PCLO: variants seen among roughly 807,000 people sequenced by gnomAD.
PCLO encodes the protein protein piccolo.
A neutral mutation model predicts 427.5 loss-of-function variants in PCLO; 82 were observed. The observed-to-expected ratio is 0.19, with a 90% CI of 0.16 to 0.23. The LOEUF (loss-of-function observed/expected upper bound fraction) is 0.23. Ranked by LOEUF, PCLO falls within the 10% of genes least tolerant of loss-of-function variation. The pLI, the probability that PCLO is intolerant of heterozygous loss-of-function variation, is 1.00. For missense variants in PCLO, 6,239 were observed against 6,115.9 expected (o/e 1.02, Z -0.67); for synonymous variants, 2,357 against 2,155.4 (o/e 1.09, Z -2.59).
chr7:82,888,360 A>T (rs1793677472), intron 9 of PCLO, among the ~76,000 whole-genome samples: 1 of 152,174 alleles, frequency 6.6e-6, no homozygotes, highest in Admixed American at 6.5e-5. Flanking sequence ...TTTTCTAATA[A>T]AATGTTCATA....
At position 82,953,724 on chromosome 7, in the gene PCLO, G is replaced by A; in HGVS notation, c.7229C>T (p.Pro2410Leu). 9.5e-7 allele frequency: 1 copy of A among 1,054,050 alleles called. No homozygotes were observed. Among genetic ancestry groups the A allele is most frequent in the Admixed American group, 2.3e-5 (1 of 43,336 alleles). The allele number at this position is 1,054,050 out of a possible 1,614,324, so 65.3% of individuals were successfully genotyped here. ...TGGAGGAGGAGGAGGAGGGGGAGGG[G>A]GAGGAGGGGGAGGAGGTTGAGCTGA... is the stretch of plus-strand genomic sequence containing the variant. Reference protein sequence around the residue: ...DISAQPPPPPPPPPPPPPPPP... With the variant: ...DISAQPPPPPLPPPPPPPPPP... Residue 2410 changes from proline (P) to leucine (L), a missense_variant, in exon 5 of 25, where the codon CCC (proline) becomes CTC (leucine). By Grantham distance (98) the Pro-to-Leu change is moderately conservative (BLOSUM62 -3). Coordinates refer to ENST00000333891, the MANE Select transcript of PCLO (RefSeq NM_033026.6).
Position 82,830,487 on chromosome 7 carries a change from C to T in PCLO, c.14250-2521G>A, listed in dbSNP as rs369454295. On this transcript the variant is annotated intron_variant, in intron 16 of 24. Transcript: ENST00000333891. ...ATAGTGACATAGAAAGAATTAGTGA[C>T]GACTTTTAAGTTAATAGTAAACTTG... 8.4e-4 allele frequency among the ~76,000 whole-genome samples: 127 copies of T among 151,802 alleles called. 6 individuals are homozygous for T. The South Asian group carries it at 0.024, about 28-fold the overall frequency.
chr7:82,809,717 A>G (rs1583997889), intron 20 of PCLO, among the ~76,000 whole-genome samples: 1 of 151,732 alleles, frequency 6.6e-6, no homozygotes, highest in East Asian at 1.9e-4. Flanking sequence ...CAAATCATAA[A>G]TTTCTCAACA....
intron 3 of PCLO, among the ~76,000 whole-genome samples, chr7:83,059,717 G>A (rs1789496727): frequency 6.6e-6 from 1 of 152,078 alleles, no homozygotes. Flanking sequence ...TCTGAAAGAA[G>A]TACCAAGATG....
At chr7:82,778,315 T>A (rs913453059) in intron 22 of PCLO, among the ~76,000 whole-genome samples, 4 of 152,124 alleles carry the variant, frequency 2.6e-5, no homozygotes, top group African/African-American at 9.7e-5. Context: ...ATGCTGTTAG[T>A]GGGAGTGTAA....
intron 22 of PCLO, among the ~76,000 whole-genome samples, chr7:82,789,662 A>T (rs1791059997): frequency 6.6e-6 from 1 of 152,156 alleles, no homozygotes; most frequent in Non-Finnish European, 1.5e-5. Context: ...TCGAGATCGC[A>T]CCACTGCGCT....
At chr7:83,058,236 T>C (rs1174151619) in intron 3 of PCLO, among the ~76,000 whole-genome samples, 1 of 152,238 alleles carries the variant, frequency 6.6e-6, no homozygotes, top group Non-Finnish European at 1.5e-5. Context: ...GATGCTCTAC[T>C]GAGGACTTAG....
At chr7:83,058,553 T>C (rs560282823) in intron 3 of PCLO, among the ~76,000 whole-genome samples, 62 of 152,294 alleles carry the variant, frequency 4.1e-4, no homozygotes, top group South Asian at 3.5e-3. Context: ...CAATTAAATA[T>C]ATATATACCT....
At chr7:82,792,424 C>A (rs1355193130) in intron 22 of PCLO, among the ~76,000 whole-genome samples, 1 of 151,610 alleles carries the variant, frequency 6.6e-6, no homozygotes, top group African/African-American at 2.4e-5. Flanking sequence ...CCTCCTGAGC[C>A]CAAGCGATAC....
chr7:83,154,571 T>C (rs1792218058), intron 2 of PCLO, among the ~76,000 whole-genome samples, 177 bp downstream of exon 2: 1 of 152,138 alleles, frequency 6.6e-6, no homozygotes, highest in South Asian at 2.1e-4. Flanking sequence ...GTTTGAGGCT[T>C]CTAGTCAGAG....
chr7:82,831,491 A>G (rs1263636565), intron 16 of PCLO, among the ~76,000 whole-genome samples: 1 of 152,134 alleles, frequency 6.6e-6, no homozygotes, highest in African/African-American at 2.4e-5. Flanking sequence ...CATTATAAAC[A>G]TCGTGAACAA....
At chr7:82,799,279 A>G (rs1791292648) in intron 22 of PCLO, among the ~76,000 whole-genome samples, 1 of 152,176 alleles carries the variant, frequency 6.6e-6, no homozygotes, top group Non-Finnish European at 1.5e-5. Flanking sequence ...AACATTCTCT[A>G]AGCAACTCTG....
In PCLO at chr7:83,134,339, T is replaced by C. The variant is rs376927890; in HGVS notation, c.3211A>G (p.Lys1071Glu). 7.1e-5 allele frequency: 114 copies of C among 1,611,496 alleles called. No homozygotes were observed. Among genetic ancestry groups the C allele is most frequent in the Non-Finnish European group, 9.3e-5 (110 of 1,178,772 alleles). The change falls in exon 3 of 25, where the codon AAG becomes GAG. Residue 1071 changes from lysine (K) to glutamate (E), a missense_variant. Lys to Glu is a moderately conservative substitution (Grantham distance 56). This residue lies in a region of PCLO where 4,677 missense variants were observed against 4,468.4 expected (regional missense o/e 1.05). Transcript: ENST00000333891. ...CAAGTATTGAAGTTAGGAGGATCCT[T>C]AGAACCTATGTTGAGTTCAGTTTTG... ...LCKTELNIGS[K>E]DPPNFNTCTE...
intron 2 of PCLO, among the ~76,000 whole-genome samples, chr7:83,147,710 T>C (rs544737496): frequency 5.9e-5 from 9 of 152,352 alleles, no homozygotes; most frequent in Middle Eastern, 3.4e-3. Context: ...AAGCATTTGA[T>C]GATTTAAAGT....
At chr7:82,901,116 C>A (rs1279698002) in intron 9 of PCLO, among the ~76,000 whole-genome samples, 2 of 151,778 alleles carry the variant, frequency 1.3e-5, no homozygotes, top group African/African-American at 4.8e-5. Context: ...CATTGTAATA[C>A]CATGTGCATT....
chr7:82,966,343 C>T lies in PCLO; in HGVS notation c.3445G>A (p.Ala1149Thr), dbSNP rs2115663736. 6.2e-7 allele frequency: 1 copy of T among 1,613,812 alleles called. No individual in the cohort carries two copies. Among genetic ancestry groups the T allele is most frequent in the Non-Finnish European group, 8.5e-7 (1 of 1,179,848 alleles). ...VPTESSSQKT[A>T]VPPQVKLVKK... The stretch of plus-strand genomic sequence containing the variant: ...ACTAATTTTACTTGGGGAGGCACTG[C>T]TGTTTTCTGAGATGATGATTCTGTA... Residue 1149 changes from alanine to threonine, a missense_variant, in exon 4 of 25, where the codon GCA becomes ACA. Coordinates refer to ENST00000333891, the MANE Select transcript of PCLO (RefSeq NM_033026.6).
At chr7:83,090,770 G>T (rs1468311841) in intron 3 of PCLO, among the ~76,000 whole-genome samples, 1 of 151,824 alleles carries the variant, frequency 6.6e-6, no homozygotes, top group Non-Finnish European at 1.5e-5. Context: ...ATAAAACTTG[G>T]AACTAAAACA....
intron 10 of PCLO, among the ~76,000 whole-genome samples, chr7:82,854,902 A>C (rs1484682815): frequency 6.6e-6 from 1 of 152,166 alleles, no homozygotes; most frequent in Non-Finnish European, 1.5e-5. Flanking sequence ...CTCCAAAATG[A>C]AATAAATTTA....
chr7:83,136,892 T>G (rs1791745040), intron 2 of PCLO, among the ~76,000 whole-genome samples: 1 of 152,208 alleles, frequency 6.6e-6, no homozygotes, highest in African/African-American at 2.4e-5. Context: ...AAAGTACCTA[T>G]GTTTAACATT....
Sources: allele counts gnomAD v4.1 joint callset (sites outside exome capture counted in the v4.1 genomes callset), GRCh38; gene constraint gnomAD v4.1.1; regional missense constraint gnomAD v4.1.1; transcripts MANE v1.5; gene names NCBI Gene and HGNC (gene_info 2026-07-23, HGNC 2026-07-21).